The following ACOXL variants were observed in gnomAD, a reference collection of about 807,000 sequenced individuals.
ACOXL encodes acyl-coenzyme A oxidase-like protein.
Under a neutral mutation model 71.9 loss-of-function variants are expected in ACOXL, and 70 were observed. The observed-to-expected ratio is 0.97, with a 90% CI of 0.80 to 1.19. ACOXL has a LOEUF of 1.19. Among genes scored for constraint, ACOXL ranks in the 50% most tolerant of loss-of-function variants. The pLI is 0.00. For missense variants in ACOXL, 703 were observed against 736.3 expected (o/e 0.95, Z 0.52); for synonymous variants, 253 against 281.6 (o/e 0.90, Z 1.02).
At chr2:110,851,216 T>C (rs1692563562) in intron 10 of ACOXL, among the ~76,000 whole-genome samples, 1 of 152,186 alleles carries the variant, frequency 6.6e-6, no homozygotes, top group Non-Finnish European at 1.5e-5. Flanking sequence ...CCAAAATTCA[T>C]AGTACTGTGA....
intron 15 of ACOXL, among the ~76,000 whole-genome samples, chr2:111,041,224 G>GCCACGTAACATC (rs1259960414): frequency 1.3e-5 from 2 of 152,190 alleles, no homozygotes; most frequent in African/African-American, 2.4e-5. Flanking sequence ...AGAGAGGACT[G>GCCACGTAACATC]CAGGGCCTCG....
At chr2:110,859,053 A>G (rs543163098) in intron 10 of ACOXL, among the ~76,000 whole-genome samples, 3 of 152,264 alleles carry the variant, frequency 2.0e-5, no homozygotes, top group Non-Finnish European at 4.4e-5. Context: ...GCAAAGTTGA[A>G]TCAGTTATAG....
chr2:110,828,599 T>C (rs1281369874), intron 9 of ACOXL, among the ~76,000 whole-genome samples: 1 of 152,256 alleles, frequency 6.6e-6, no homozygotes, highest in Admixed American at 6.5e-5. Flanking sequence ...ACTATCCTTG[T>C]GCTGAGCACT....
chr2:111,093,698 A>G (rs757790884), intron 17 of ACOXL: 134 of 608,466 alleles, frequency 2.2e-4, no homozygotes, highest in Non-Finnish European at 3.2e-4. Flanking sequence ...AACCCTGTCT[A>G]CTAAAATACA....
chr2:110,934,212 G>T (rs1223246087), intron 12 of ACOXL, among the ~76,000 whole-genome samples: 2 of 152,226 alleles, frequency 1.3e-5, no homozygotes, highest in Admixed American at 6.5e-5. Flanking sequence ...GCAGGACTCT[G>T]CAGGTCTCCA....
intron 17 of ACOXL, among the ~76,000 whole-genome samples, chr2:111,102,412 T>G (rs1024812011): frequency 6.6e-6 from 1 of 152,206 alleles, no homozygotes; most frequent in East Asian, 1.9e-4. Flanking sequence ...CATTCTATTT[T>G]CTTCATTCAA....
At chr2:110,798,521 G>T in intron 5 of ACOXL, 89 bp from the exon 6 acceptor site, 1 of 1,062,358 alleles carries the variant, frequency 9.4e-7, no homozygotes, top group Non-Finnish European at 1.5e-6. Flanking sequence ...CCCCCAAAGT[G>T]CTGGGATTAC....
chr2:110,746,573 T>G (rs1678243515), intron 1 of ACOXL, among the ~76,000 whole-genome samples: 1 of 152,122 alleles, frequency 6.6e-6, no homozygotes, highest in African/African-American at 2.4e-5. Context: ...TGAGGGGGCT[T>G]CCTCCACATG....
chr2:110,827,115 T>C (rs369056398), intron 9 of ACOXL, among the ~76,000 whole-genome samples: 8 of 152,194 alleles, frequency 5.3e-5, no homozygotes, highest in African/African-American at 1.9e-4. Context: ...ACAAACCTGC[T>C]AATTTTAACC....
chr2:110,810,655 CCAT>C (rs1687212545), intron 9 of ACOXL, among the ~76,000 whole-genome samples: 1 of 152,166 alleles, frequency 6.6e-6, no homozygotes, highest in Non-Finnish European at 1.5e-5. Flanking sequence ...ATCCATCCAT[CCAT>C]CATCATTTAT....
intron 14 of ACOXL, among the ~76,000 whole-genome samples, chr2:111,015,091 A>C (rs1243260719): frequency 2.0e-5 from 3 of 152,248 alleles, no homozygotes; most frequent in Non-Finnish European, 4.4e-5. Flanking sequence ...AAAAAGTACT[A>C]ATTGGTAAAT....
chr2:110,931,576 TG>T (rs537516971), intron 11 of ACOXL, among the ~76,000 whole-genome samples: 17 of 152,184 alleles, frequency 1.1e-4, no homozygotes, highest in Non-Finnish European at 2.4e-4. Context: ...TAGAGAGCCC[TG>T]GGTTTAAATG....
At chr2:110,808,541 C>T (rs1364033294) in intron 9 of ACOXL, among the ~76,000 whole-genome samples, 1 of 152,182 alleles carries the variant, frequency 6.6e-6, no homozygotes, top group African/African-American at 2.4e-5. Context: ...GTTTCTGTAT[C>T]CAGGATCCTT....
chr2:111,055,710 C>A (rs1005988662), intron 16 of ACOXL, among the ~76,000 whole-genome samples: 3 of 152,228 alleles, frequency 2.0e-5, no homozygotes, highest in East Asian at 3.8e-4. Flanking sequence ...AAAGGGGATT[C>A]TTTTCTGGGG....
chr2:111,010,751 A>G (rs1009386148), intron 14 of ACOXL, among the ~76,000 whole-genome samples: 3 of 152,214 alleles, frequency 2.0e-5, no homozygotes, highest in African/African-American at 7.2e-5. Context: ...TTCACTTTTC[A>G]TTAGAAATTG....
At chr2:110,750,155 C>A (rs560062239) in intron 1 of ACOXL, among the ~76,000 whole-genome samples, 17 of 152,336 alleles carry the variant, frequency 1.1e-4, no homozygotes, top group African/African-American at 3.6e-4. Flanking sequence ...ATCTGTCCAA[C>A]ATTCAAGTTG....
chr2:111,054,645 A>T (rs555239946), intron 16 of ACOXL, among the ~76,000 whole-genome samples: 2 of 152,110 alleles, frequency 1.3e-5, no homozygotes, highest in South Asian at 4.2e-4. Context: ...GGAAGGAGGG[A>T]CGCCAGGCCT....
In ACOXL at chr2:110,788,219, A is replaced by G. The variant is rs1440408444; in HGVS notation, c.159+3404A>G. 2.0e-5 allele frequency among the ~76,000 whole-genome samples: 3 copies of G among 152,220 alleles called. 1 individual carries two copies. Among genetic ancestry groups the G allele is most frequent in the South Asian group, 4.1e-4 (2 of 4,834 alleles). ...CATTGCAGCATGATTCACAATAGCT[A>G]AAAGCTGGAAACAAGCCACATTTCC... On this transcript the variant is annotated intron_variant, in intron 3 of 17. Coordinates refer to ENST00000439055, the MANE Select transcript of ACOXL (RefSeq NM_001142807.4).
chr2:111,011,015 AC>A (rs1471750634), intron 14 of ACOXL, among the ~76,000 whole-genome samples: 1 of 152,226 alleles, frequency 6.6e-6, no homozygotes, highest in African/African-American at 2.4e-5. Flanking sequence ...AAAATGCTAA[AC>A]ATATAAGGAA....
Sources: gnomAD v4.1 joint callset for allele counts (sites outside exome capture counted in the v4.1 genomes callset) on GRCh38, gnomAD v4.1.1 for gene constraint, MANE v1.5 for transcripts, NCBI Gene and HGNC (gene_info 2026-07-23, HGNC 2026-07-21) for gene names.